The following PDCD1LG2 variants were observed in gnomAD, a reference collection of about 807,000 sequenced individuals.
The protein encoded by PDCD1LG2 is programmed cell death 1 ligand 2, also known as B7 dendritic cell molecule.
In PDCD1LG2, 32 loss-of-function variants were observed where a neutral mutation model predicts 28.2. The ratio of observed to expected loss-of-function variants is 1.13; its 90% CI spans 0.86 to 1.52. The LOEUF (loss-of-function observed/expected upper bound fraction) is 1.52, where lower values mean the gene tolerates loss of function less well. Ranked by LOEUF, PDCD1LG2 falls within the 40% of genes most tolerant of loss-of-function variation. The probability of loss-of-function intolerance (pLI) is 0.00; values close to 1 mark genes in which losing one functional copy is unlikely to be tolerated. For missense variants in PDCD1LG2, 385 were observed against 323.8 expected (o/e 1.19, Z -1.45); for synonymous variants, 116 against 120.2 (o/e 0.97, Z 0.23).
chr9:5,516,848 G>C (rs1820175341), intron 1 of PDCD1LG2, among the ~76,000 whole-genome samples: 1 of 152,210 alleles, frequency 6.6e-6, no homozygotes, highest in African/African-American at 2.4e-5. Context: ...GTGGGAGCAG[G>C]CACTTTCAAC....
intron 4 of PDCD1LG2, among the ~76,000 whole-genome samples, chr9:5,552,182 TG>T (rs910429234): frequency 6.6e-6 from 1 of 152,216 alleles, no homozygotes; most frequent in African/African-American, 2.4e-5. Context: ...AGCGGACCCC[TG>T]AGTTCCAGAC....
At position 5,510,772 on chromosome 9, in the gene PDCD1LG2, T is replaced by A. The variant is rs535199658; in HGVS notation, c.-46T>A. Reference sequence around the variant, plus strand: ...CTGTTTTTTGTTGTTTACTTTTGCATCTTTACTTGTGGAGCTGTGGCAAGT... The same window carrying A: ...CTGTTTTTTGTTGTTTACTTTTGCAACTTTACTTGTGGAGCTGTGGCAAGT... On this transcript the variant is annotated 5_prime_UTR_variant, in exon 1 of 7. Coordinates refer to ENST00000397747, the MANE Select transcript of PDCD1LG2 (RefSeq NM_025239.4). The A allele has an allele frequency of 6.6e-6, 1 of 152,664 alleles. No individual in the cohort carries two copies. The highest frequency in any genetic ancestry group is 2.4e-5 in the African/African-American group (1 of 41,454). 9.5% of individuals were successfully genotyped at this position (152,664 alleles called of 1,614,324 possible). A position where few individuals can be genotyped will look rare whatever the true frequency, so the allele number is the denominator to read the frequency against.
In PDCD1LG2 at chr9:5,570,032, G is replaced by C. The variant is rs759170963; in HGVS notation, c.*73G>C. ...GCTTCTGGACTCTGAACAAGAATTC[G>C]GTGGCCTGCAGAGCTTGCCATTTGC... is the stretch of plus-strand genomic sequence containing the variant. On this transcript the variant is annotated 3_prime_UTR_variant, in exon 7 of 7. Transcript: ENST00000397747. 3.8e-6 allele frequency: 6 copies of C among 1,599,964 alleles called. No individual in the cohort carries two copies. The Middle Eastern group carries it at 8.3e-4, about 221-fold the overall frequency.
At chr9:5,522,057 A>G (rs1820285321) in intron 1 of PDCD1LG2, among the ~76,000 whole-genome samples, 1 of 152,240 alleles carries the variant, frequency 6.6e-6, no homozygotes, top group Admixed American at 6.5e-5. Context: ...TACTTTGCTC[A>G]GTCAACTAGC....
chr9:5,534,877 A>G lies in PDCD1LG2; in HGVS notation c.188A>G (p.Glu63Gly). The change falls in exon 3 of 7, where the codon GAA becomes GGA. Residue 63 changes from glutamate (E) to glycine (G), a missense_variant. By Grantham distance (98) the Glu-to-Gly change is moderately conservative. Transcript: ENST00000397747. Reference sequence around the variant, plus strand: ...ATAACAGCCAGTTTGCAAAAGGTGGAAAATGATACATCCCCACACCGTGAA... The same window carrying G: ...ATAACAGCCAGTTTGCAAAAGGTGGGAAATGATACATCCCCACACCGTGAA... ...GAITASLQKV[E>G]NDTSPHRERA... 2 of 1,614,190 alleles carry G rather than the reference A, an allele frequency of 1.2e-6. No individual in the cohort carries two copies. Among genetic ancestry groups the G allele is most frequent in the Non-Finnish European group, 1.7e-6 (2 of 1,180,008 alleles).
intron 2 of PDCD1LG2, among the ~76,000 whole-genome samples, chr9:5,530,844 T>C (rs1820469162): frequency 6.6e-6 from 1 of 152,240 alleles, no homozygotes; most frequent in Non-Finnish European, 1.5e-5. Context: ...CAAACATTAA[T>C]GTGCATGCAA....
chr9:5,539,879 C>G (rs559175040), intron 3 of PDCD1LG2, among the ~76,000 whole-genome samples: 1 of 152,184 alleles, frequency 6.6e-6, no homozygotes, highest in Non-Finnish European at 1.5e-5. Flanking sequence ...AAACTATGCC[C>G]TACCACAAAT....
chr9:5,528,745 TA>T, intron 2 of PDCD1LG2, among the ~76,000 whole-genome samples: 1 of 152,376 alleles, frequency 6.6e-6, no homozygotes, highest in Middle Eastern at 3.4e-3. Context: ...AAAAATTCTC[TA>T]TTTTTTTGAG....
intron 4 of PDCD1LG2, among the ~76,000 whole-genome samples, chr9:5,551,983 C>G (rs2129892223): frequency 6.6e-6 from 1 of 152,304 alleles, no homozygotes; most frequent in Non-Finnish European, 1.5e-5. Context: ...TCTCACTCAT[C>G]CACCATACAT....
chr9:5,538,829 G>A (rs1395297359), intron 3 of PDCD1LG2, among the ~76,000 whole-genome samples: 14 of 151,990 alleles, frequency 9.2e-5, no homozygotes, highest in Non-Finnish European at 1.5e-5. Flanking sequence ...GGGTATATGT[G>A]AATGTATTTT....
At chr9:5,549,625 C>T (rs370484817) in intron 4 of PDCD1LG2, 21 bp downstream of exon 4, 1 of 1,613,196 alleles carries the variant, frequency 6.2e-7, no homozygotes, top group Admixed American at 1.7e-5. Context: ...CCCCCACTTC[C>T]TAGGTCTATC....
chr9:5,535,535 G>C (rs7048877), intron 3 of PDCD1LG2, among the ~76,000 whole-genome samples: 8,099 of 152,174 alleles, frequency 0.053, 713 homozygotes, highest in African/African-American at 0.18. Context: ...GAAGAGAATA[G>C]ACAGAGTAGA....
At chr9:5,538,548 C>G (rs1011591987) in intron 3 of PDCD1LG2, among the ~76,000 whole-genome samples, 3 of 151,952 alleles carry the variant, frequency 2.0e-5, no homozygotes, top group African/African-American at 7.3e-5. Flanking sequence ...ATTAGCCGGG[C>G]GCGGTGGCGG....
intron 3 of PDCD1LG2, among the ~76,000 whole-genome samples, chr9:5,544,857 C>T (rs1438050431): frequency 6.6e-6 from 1 of 152,134 alleles, no homozygotes; most frequent in East Asian, 1.9e-4. Flanking sequence ...GATCTTATGA[C>T]CTTAGGTTAC....
intron 2 of PDCD1LG2, among the ~76,000 whole-genome samples, chr9:5,525,065 T>C (rs1820345337): frequency 6.6e-6 from 1 of 152,158 alleles, no homozygotes; most frequent in Admixed American, 6.6e-5. Context: ...AAATAACACT[T>C]GGCCAGGCGC....
At chr9:5,557,997 G>T (rs1471308729) in intron 5 of PDCD1LG2, among the ~76,000 whole-genome samples, 3 of 152,220 alleles carry the variant, frequency 2.0e-5, no homozygotes, top group Non-Finnish European at 4.4e-5. Flanking sequence ...GAAAGAGTTT[G>T]TCTTATTCTT....
intron 6 of PDCD1LG2, among the ~76,000 whole-genome samples, chr9:5,564,062 A>G (rs945529772): frequency 6.6e-6 from 1 of 152,208 alleles, no homozygotes; most frequent in Non-Finnish European, 1.5e-5. Flanking sequence ...AGGCACCAAG[A>G]GATGAGGGGG....
rs186238681 is a variant in PDCD1LG2, at chr9:5,549,487, G to A, written c.514G>A (p.Gly172Ser). 3.7e-6 allele frequency: 6 copies of A among 1,614,164 alleles called. No individual in the cohort carries two copies. In the Admixed American group the frequency reaches 6.7e-5, roughly 18 times the overall value. ...CACCAGCCACTCCAGGACCCCTGAAGGCCTCTACCAGGTCACCAGTGTTCT... is the reference window on the plus strand; with the variant it reads ...CACCAGCCACTCCAGGACCCCTGAAAGCCTCTACCAGGTCACCAGTGTTCT... ...ANTSHSRTPE[G>S]LYQVTSVLRL... is the part of the protein sequence containing the mutation. The change falls in exon 4 of 7, where the codon GGC (glycine) becomes AGC (serine). Residue 172 changes from glycine (G) to serine (S), a missense_variant. Gly to Ser is a moderately conservative substitution (Grantham distance 56, BLOSUM62 0). Coordinates refer to ENST00000397747, the MANE Select transcript of PDCD1LG2 (RefSeq NM_025239.4).
intron 1 of PDCD1LG2, among the ~76,000 whole-genome samples, chr9:5,521,858 A>G (rs568315048): frequency 1.3e-5 from 2 of 152,288 alleles, no homozygotes; most frequent in South Asian, 2.1e-4. Flanking sequence ...CTCAACCATA[A>G]GAAGTCCATG....
Sources: allele counts gnomAD v4.1 joint callset (sites outside exome capture counted in the v4.1 genomes callset), GRCh38; gene constraint gnomAD v4.1.1; transcripts MANE v1.5; gene names NCBI Gene and HGNC (gene_info 2026-07-23, HGNC 2026-07-21).